ATP10A: variants seen among roughly 807,000 people sequenced by gnomAD.
ATP10A encodes the protein phospholipid-transporting ATPase VA.
A neutral mutation model predicts 147.8 loss-of-function variants in ATP10A; 111 were observed. The observed-to-expected ratio is 0.75, with a 90% CI of 0.64 to 0.88. The LOEUF is 0.88. Ranked by LOEUF, ATP10A falls within the 40% of genes least tolerant of loss-of-function variation. The pLI, the probability that ATP10A is intolerant of heterozygous loss-of-function variation, is 0.00. For missense variants in ATP10A, 1,927 were observed against 1,959.0 expected, an observed-to-expected ratio of 0.98 and a Z score of 0.31; for synonymous variants, 875 against 841.6, an observed-to-expected ratio of 1.04 and a Z score of -0.69.
intron 1 of ATP10A, among the ~76,000 whole-genome samples, chr15:25,795,805 G>A (rs1001839692): frequency 5.9e-5 from 9 of 152,192 alleles, no homozygotes; most frequent in African/African-American, 2.2e-4. Context: ...GGGGCCTCAT[G>A]GGAGGTGTCT....
chr15:25,675,294 G>A (rs7179423), downstream of ATP10A, among the ~76,000 whole-genome samples: 94,270 of 152,032 alleles, frequency 0.62, 30,344 homozygotes, highest in African/African-American at 0.78. Flanking sequence ...CGTCCTGTAA[G>A]CACTCTTGTC....
At chr15:25,812,287 C>T (rs189312826) in intron 1 of ATP10A, among the ~76,000 whole-genome samples, 1 of 152,326 alleles carries the variant, frequency 6.6e-6, no homozygotes, top group East Asian at 1.9e-4. Flanking sequence ...CTCAGATCCT[C>T]ACCCTGTTAA....
At chr15:25,722,075 G>A (rs954268817) in intron 6 of ATP10A, among the ~76,000 whole-genome samples, 166 bp from the exon 7 acceptor site, 6 of 152,208 alleles carry the variant, frequency 3.9e-5, no homozygotes. Context: ...TATTGGAAAA[G>A]TATTAGAGTA....
In ATP10A at chr15:25,718,289, C is replaced by T; in HGVS notation, c.1474G>A (p.Val492Met). Residue 492 changes from valine (V) to methionine (M), a missense_variant, in exon 8 of 21, where the codon GTG becomes ATG. Coordinates refer to ENST00000555815, the MANE Select transcript of ATP10A (RefSeq NM_024490.4). ...TTGGTGCTCTGGGTTCTGTGCACCACCCGGACACTCTGGTGGCTGCCGATG... is the reference window on the plus strand; with the variant it reads ...TTGGTGCTCTGGGTTCTGTGCACCATCCGGACACTCTGGTGGCTGCCGATG... Reference protein sequence around the residue: ...GSIGSHQSVRVVHRTQSTKSH... With the variant: ...GSIGSHQSVRMVHRTQSTKSH... 1 of 1,612,238 alleles carries T rather than the reference C, an allele frequency of 6.2e-7. No homozygotes were observed. The highest frequency in any genetic ancestry group is 1.7e-5 in the Admixed American group (1 of 59,996).
chr15:25,740,359 C>T (rs949365533), intron 2 of ATP10A, among the ~76,000 whole-genome samples: 12 of 152,244 alleles, frequency 7.9e-5, no homozygotes, highest in African/African-American at 2.7e-4. Flanking sequence ...CTGCTGCCAG[C>T]AGGGACCCTG....
chr15:25,765,525 C>T (rs758942318), intron 2 of ATP10A, among the ~76,000 whole-genome samples: 2 of 151,976 alleles, frequency 1.3e-5, no homozygotes, highest in African/African-American at 2.4e-5. Context: ...CATCCCTCAC[C>T]GCGGCACTAC....
At chr15:25,845,026 C>T (rs1892955586) in intron 1 of ATP10A, among the ~76,000 whole-genome samples, 1 of 152,172 alleles carries the variant, frequency 6.6e-6, no homozygotes, top group Non-Finnish European at 1.5e-5. Flanking sequence ...ACCAAATACC[C>T]GGAGAAAGTG....
At chr15:25,731,109 G>A (rs1902958240) in intron 3 of ATP10A, among the ~76,000 whole-genome samples, 2 of 152,184 alleles carry the variant, frequency 1.3e-5, no homozygotes, top group Admixed American at 6.5e-5. Flanking sequence ...TCTCTGAAGG[G>A]TGTCACCCAC....
At chr15:25,682,532 G>A (rs889735740) in intron 17 of ATP10A, among the ~76,000 whole-genome samples, 1 of 152,138 alleles carries the variant, frequency 6.6e-6, no homozygotes, top group African/African-American at 2.4e-5. Flanking sequence ...CACTCCCAGC[G>A]TCTTTGTCCC....
chr15:25,672,921 G>T (rs1475299339), downstream of ATP10A, among the ~76,000 whole-genome samples: 2 of 152,158 alleles, frequency 1.3e-5, no homozygotes, highest in Non-Finnish European at 2.9e-5. Context: ...TGTGCGGAGG[G>T]TTACTAGTTT....
At chr15:25,778,769 C>T (rs945633578) in intron 2 of ATP10A, among the ~76,000 whole-genome samples, 3 of 152,072 alleles carry the variant, frequency 2.0e-5, no homozygotes, top group South Asian at 2.1e-4. Context: ...AAAGCACCAC[C>T]GAGCTATGAA....
rs752430251 is a variant in ATP10A, at chr15:25,713,861, G to C, written c.2157C>G (p.His719Gln). 12 of 1,613,894 alleles carry C rather than the reference G, an allele frequency of 7.4e-6. No homozygotes were observed. The highest frequency in any genetic ancestry group is 1.0e-5 in the Non-Finnish European group (12 of 1,180,038). ...AYNCVLVERL[H>Q]DQVSVELPHL... The stretch of plus-strand genomic sequence containing the variant: ...GGGGCAGCTCCACTGACACTTGGTC[G>C]TGCAGCCGCTCCACAAGCACGCAGT... The change falls in exon 10 of 21, where the codon CAC becomes CAG. Residue 719 changes from histidine to glutamine, a missense_variant. Coordinates refer to ENST00000555815, the MANE Select transcript of ATP10A (RefSeq NM_024490.4).
At position 25,847,960 on chromosome 15, in the gene ATP10A, T is replaced by C. The variant is rs1240419245; in HGVS notation, c.449+14688A>G. On this transcript the variant is annotated intron_variant, in intron 1 of 20. Transcript: ENST00000555815. ...AGCCATTTTTTAACGGAAATCATCT[T>C]AATCAATATTAACACACAAAAAGCT... Among the ~76,000 whole-genome samples the C allele has an allele frequency of 4.1e-5, 6 of 147,616 alleles. No individual in the cohort carries two copies. The East Asian group carries it at 1.3e-3, about 31-fold the overall frequency.
upstream of ATP10A, chr15:25,863,709 T>A (rs1324800781): frequency 1.3e-5 from 2 of 152,178 alleles, no homozygotes; most frequent in African/African-American, 2.4e-5. Context: ...GGAATCAAAA[T>A]CCAAAGGATC....
chr15:25,795,981 G>A (rs191904344), intron 1 of ATP10A, among the ~76,000 whole-genome samples: 77 of 152,284 alleles, frequency 5.1e-4, no homozygotes, highest in Non-Finnish European at 9.3e-4. Context: ...TCCCCTATGA[G>A]AGGAAGCAGC....
chr15:25,716,106 G>C (rs533972339), intron 9 of ATP10A, among the ~76,000 whole-genome samples: 6 of 152,156 alleles, frequency 3.9e-5, no homozygotes, highest in African/African-American at 1.4e-4. Flanking sequence ...ATCGATTCTC[G>C]ACCGCTTTTC....
intron 2 of ATP10A, among the ~76,000 whole-genome samples, chr15:25,771,009 G>A (rs541603867): frequency 6.6e-6 from 1 of 152,300 alleles, no homozygotes; most frequent in South Asian, 2.1e-4. Flanking sequence ...TCAGGGGAGG[G>A]TGTTAAGTGA....
At chr15:25,743,070 T>TTC (rs762715381) in intron 2 of ATP10A, among the ~76,000 whole-genome samples, 2 of 152,226 alleles carry the variant, frequency 1.3e-5, no homozygotes, top group East Asian at 1.9e-4. Flanking sequence ...GTGCACAGCG[T>TTC]AAGAGGGGTC....
chr15:25,832,058 C>G (rs1420602979), intron 1 of ATP10A, among the ~76,000 whole-genome samples: 2 of 152,008 alleles, frequency 1.3e-5, no homozygotes, highest in Non-Finnish European at 2.9e-5. Flanking sequence ...GCAGAGAAAA[C>G]AGAGACACAG....
Sources: gnomAD v4.1 joint callset for allele counts (sites outside exome capture counted in the v4.1 genomes callset) on GRCh38, gnomAD v4.1.1 for gene constraint, MANE v1.5 for transcripts, NCBI Gene and HGNC (gene_info 2026-07-23, HGNC 2026-07-21) for gene names.